Variants in DPP6 observed in about 807,000 individuals in gnomAD.
DPP6 encodes dipeptidyl peptidase like 6, also known as A-type potassium channel modulatory protein DPP6.
Under a neutral mutation model 122.6 loss-of-function variants are expected in DPP6, and 69 were observed. That is an observed-to-expected ratio of 0.56 (90% CI 0.46 to 0.69). The LOEUF (loss-of-function observed/expected upper bound fraction) is 0.69, where lower values mean the gene tolerates loss of function less well. Ranked by LOEUF, DPP6 falls within the 30% of genes least tolerant of loss-of-function variation. DPP6 has a pLI of 0.00. For missense variants in DPP6, 928 were observed against 1,116.9 expected, an observed-to-expected ratio of 0.83 and a Z score of 2.41; for synonymous variants, 418 against 433.1, an observed-to-expected ratio of 0.97 and a Z score of 0.43.
chr7:154,663,077 A>G (rs1487048354), intron 6 of DPP6, among the ~76,000 whole-genome samples: 2 of 44,694 alleles, frequency 4.5e-5, no homozygotes, highest in Non-Finnish European at 5.8e-5. Flanking sequence ...TCACCATGGT[A>G]TATTGGCCAT....
At chr7:154,401,997 A>G (rs921265077) in intron 1 of DPP6, among the ~76,000 whole-genome samples, 10 of 152,196 alleles carry the variant, frequency 6.6e-5, no homozygotes, top group African/African-American at 1.4e-4. Context: ...ACATGAGAAA[A>G]TGCTCACCAT....
chr7:154,755,369 A>G lies in DPP6; in HGVS notation c.884-14048A>G, dbSNP rs1030081544. ...GCACACTGGGGTTGTCATGGGAGAC[A>G]GGTGAGGAGACTGGAGACAGGCAGG... On this transcript the variant is annotated intron_variant, in intron 8 of 25. Coordinates refer to ENST00000377770, the MANE Select transcript of DPP6 (RefSeq NM_130797.4). The surrounding 1 kb of genome is among the most constrained non-coding windows in gnomAD (Gnocchi z 4.7). Among the ~76,000 whole-genome samples the G allele has an allele frequency of 2.6e-4, 40 of 152,272 alleles. No individual in the cohort carries two copies. In the Middle Eastern group the frequency reaches 0.014, roughly 52 times the overall value.
intron 1 of DPP6, among the ~76,000 whole-genome samples, chr7:154,386,938 G>A (rs1238304656): frequency 1.5e-5 from 1 of 67,730 alleles, no homozygotes; most frequent in Non-Finnish European, 2.9e-5. Context: ...GAGGGCTTGA[G>A]CATGGGTGGG....
intron 1 of DPP6, among the ~76,000 whole-genome samples, chr7:153,986,473 C>T (rs1267470807): frequency 1.3e-5 from 2 of 151,826 alleles, no homozygotes; most frequent in Non-Finnish European, 2.9e-5. Context: ...AAAAAAATGC[C>T]CTTAAGAAAA....
intron 16 of DPP6, among the ~76,000 whole-genome samples, chr7:154,832,060 A>G (rs1800669726): frequency 1.3e-5 from 2 of 152,370 alleles, no homozygotes; most frequent in African/African-American, 4.8e-5. Context: ...TTTCTTTCTC[A>G]GTAGCTTCGT....
chr7:153,934,059 G>A (rs1392763171), intron 1 of DPP6, among the ~76,000 whole-genome samples: 1 of 152,248 alleles, frequency 6.6e-6, no homozygotes, highest in African/African-American at 2.4e-5. Context: ...GGCCTTTGCA[G>A]ATGAAAGAGG....
At chr7:154,334,712 A>G in intron 1 of DPP6, among the ~76,000 whole-genome samples, 1 of 152,206 alleles carries the variant, frequency 6.6e-6, no homozygotes, top group East Asian at 1.9e-4. Flanking sequence ...TCTGGCTAAC[A>G]TAGTGAAACC....
chr7:154,141,773 C>G (rs1261358509), intron 1 of DPP6, among the ~76,000 whole-genome samples: 2 of 152,174 alleles, frequency 1.3e-5, no homozygotes, highest in Non-Finnish European at 2.9e-5. Flanking sequence ...TACTTTATGT[C>G]CACAGCAAAG....
chr7:154,241,185 ATGTGTGTGTGTGTG>A lies in DPP6; in HGVS notation c.243+188144_243+188157del, dbSNP rs1554498771. Among the ~76,000 whole-genome samples, 3 of 136,212 alleles carry A rather than the reference ATGTGTGTGTGTGTG, an allele frequency of 2.2e-5. No homozygotes were observed. Among genetic ancestry groups the A allele is most frequent in the Admixed American group, 7.5e-5 (1 of 13,354 alleles). The allele number at this position is 136,212 out of a possible 152,430, so 89.4% of individuals were successfully genotyped here. Reference sequence around the variant, plus strand: ...GCACAGTAGGTAATTCAATATCAATATGTGTGTGTGTGTGTGTGTGTGTGTGTGTGTGTGTATAT... The same window carrying A: ...GCACAGTAGGTAATTCAATATCAATATGTGTGTGTGTGTGTGTGTGTATAT... On this transcript the variant is annotated intron_variant, in intron 1 of 25. Coordinates refer to ENST00000377770, the MANE Select transcript of DPP6 (RefSeq NM_130797.4). The surrounding 1 kb of genome is among the most constrained non-coding windows in gnomAD (Gnocchi z 9.0).
intron 1 of DPP6, among the ~76,000 whole-genome samples, chr7:154,365,827 G>A (rs928117389): frequency 5.3e-5 from 8 of 152,058 alleles, no homozygotes; most frequent in South Asian, 2.1e-4. Flanking sequence ...ACGTGGTGGC[G>A]GACGCCTGTA....
chr7:154,137,665 G>GGT (rs1351591474), intron 1 of DPP6, among the ~76,000 whole-genome samples: 6 of 111,552 alleles, frequency 5.4e-5, no homozygotes, highest in East Asian at 3.4e-4. Context: ...GGGTGGGGGG[G>GGT]GTGGGGCGAG....
intron 6 of DPP6, 90 bp from the exon 7 acceptor site, chr7:154,669,270 T>G (rs1838394231): frequency 6.5e-7 from 1 of 1,542,148 alleles, no homozygotes; most frequent in Non-Finnish European, 8.8e-7. Context: ...AGAAAGGAGT[T>G]AAGTTATAGG....
At chr7:154,239,126 G>C (rs1346747066) in intron 1 of DPP6, among the ~76,000 whole-genome samples, 3 of 152,222 alleles carry the variant, frequency 2.0e-5, no homozygotes, top group Admixed American at 2.0e-4. Flanking sequence ...TTAGGGGAAG[G>C]GGAAAATGGT....
At chr7:154,113,737 T>G (rs1806773920) in intron 1 of DPP6, among the ~76,000 whole-genome samples, 2 of 152,230 alleles carry the variant, frequency 1.3e-5, no homozygotes, top group Non-Finnish European at 2.9e-5. Flanking sequence ...GTTTAAGTCT[T>G]TAATACATTT....
chr7:154,195,418 G>A (rs762620326), intron 1 of DPP6, among the ~76,000 whole-genome samples: 1 of 152,020 alleles, frequency 6.6e-6, no homozygotes, highest in Non-Finnish European at 1.5e-5. Flanking sequence ...ACTGCCGTTG[G>A]CTGGCAGCCT....
chr7:154,613,094 A>T (rs569792156), intron 5 of DPP6, among the ~76,000 whole-genome samples: 1 of 152,266 alleles, frequency 6.6e-6, no homozygotes, highest in Admixed American at 6.5e-5. Flanking sequence ...AATCTCATTC[A>T]TGAGAGCTCT....
upstream of DPP6, among the ~76,000 whole-genome samples, chr7:154,047,785 G>T (rs1800097482): frequency 6.6e-6 from 1 of 152,160 alleles, no homozygotes; most frequent in Non-Finnish European, 1.5e-5. Flanking sequence ...ATCCAGAGAA[G>T]GGACATGCAT....
In DPP6 at chr7:154,052,718, GC is replaced by G; in HGVS notation, c.-101del. The G allele has an allele frequency of 8.2e-7, 1 of 1,222,140 alleles. No homozygotes were observed. The allele number at this position is 1,222,140 out of a possible 1,614,324, so 75.7% of individuals were successfully genotyped here. A position where few individuals can be genotyped will look rare whatever the true frequency, so the allele number is the denominator to read the frequency against. On this transcript the variant is annotated 5_prime_UTR_variant, in exon 1 of 26. Coordinates refer to ENST00000377770, the MANE Select transcript of DPP6 (RefSeq NM_130797.4). This position sits in a 1 kb window ranked among gnomAD's most constrained non-coding sequence, Gnocchi z 4.8. ...CTGCTGCTGCTGCTGCCTCCCCACC[GC>G]CTTTTTTTTTTTTTAATCTGGAGCG...
intron 1 of DPP6, among the ~76,000 whole-genome samples, chr7:154,079,997 G>A (rs189481560): frequency 4.0e-5 from 6 of 151,344 alleles, no homozygotes; most frequent in African/African-American, 1.5e-4. Flanking sequence ...GTTTAAGAAA[G>A]GCACCAAATA....
Sources: allele counts gnomAD v4.1 joint callset (sites outside exome capture counted in the v4.1 genomes callset), GRCh38; gene constraint gnomAD v4.1.1; non-coding constraint Gnocchi (gnomAD v3.1); transcripts MANE v1.5; gene names NCBI Gene and HGNC (gene_info 2026-07-23, HGNC 2026-07-21).